FGGY: variants seen among roughly 807,000 people sequenced by gnomAD.
FGGY encodes FGGY carbohydrate kinase domain-containing protein.
Under a neutral mutation model 71.3 loss-of-function variants are expected in FGGY, and 72 were observed. The observed-to-expected ratio is 1.01, with a 90% confidence interval of 0.84 to 1.23. FGGY has a LOEUF of 1.23. FGGY is among the 50% of genes most tolerant of loss of function. The pLI, the probability that FGGY is intolerant of heterozygous loss-of-function variation, is 0.00. For missense variants in FGGY, 668 were observed against 682.3 expected, an observed-to-expected ratio of 0.98 and a Z score of 0.23; for synonymous variants, 251 against 250.3, an observed-to-expected ratio of 1.00 and a Z score of -0.02.
chr1:59,729,137 C>T (rs553700518), intron 14 of FGGY, among the ~76,000 whole-genome samples: 66 of 151,950 alleles, frequency 4.3e-4, no homozygotes, highest in Non-Finnish European at 7.7e-4. Context: ...CTGATTCTTT[C>T]CTTGTCCTTG....
intron 10 of FGGY, chr1:59,626,513 A>G (rs1463137779): frequency 6.5e-6 from 1 of 152,856 alleles, no homozygotes; most frequent in African/African-American, 2.4e-5. Context: ...CTTTCATGTA[A>G]AAAGAAAGAC....
At chr1:59,515,756 C>T (rs1300101648) in intron 7 of FGGY, among the ~76,000 whole-genome samples, 1 of 152,052 alleles carries the variant, frequency 6.6e-6, no homozygotes, top group Non-Finnish European at 1.5e-5. Context: ...TGCCTTTTGC[C>T]CTCCACCATG....
At chr1:59,372,252 A>T (rs2057794349) in intron 4 of FGGY, among the ~76,000 whole-genome samples, 1 of 152,226 alleles carries the variant, frequency 6.6e-6, no homozygotes, top group Non-Finnish European at 1.5e-5. Context: ...ACAGAAATAC[A>T]AACTACCATC....
At chr1:59,667,614 C>T (rs2097337462) in intron 13 of FGGY, among the ~76,000 whole-genome samples, 1 of 152,142 alleles carries the variant, frequency 6.6e-6, no homozygotes, top group Admixed American at 6.5e-5. Context: ...TATATCCAAC[C>T]ATTGAATAAT....
At chr1:59,711,516 A>G (rs1422878268) in intron 14 of FGGY, among the ~76,000 whole-genome samples, 2 of 152,202 alleles carry the variant, frequency 1.3e-5, no homozygotes, top group South Asian at 2.1e-4. Flanking sequence ...CTCTTTCTGG[A>G]TAGAGCTCTG....
At chr1:59,700,087 T>A (rs1484138127) in intron 14 of FGGY, among the ~76,000 whole-genome samples, 2 of 152,214 alleles carry the variant, frequency 1.3e-5, no homozygotes, top group Non-Finnish European at 2.9e-5. Context: ...TACAAACACA[T>A]TAAAATTCTT....
chr1:59,448,371 G>A (rs923593968), intron 5 of FGGY, among the ~76,000 whole-genome samples: 1 of 152,166 alleles, frequency 6.6e-6, no homozygotes, highest in African/African-American at 2.4e-5. Flanking sequence ...ATGCATTTGT[G>A]TCTTGGGCAG....
chr1:59,700,304 T>C (rs2097699355), intron 14 of FGGY, among the ~76,000 whole-genome samples: 1 of 152,210 alleles, frequency 6.6e-6, no homozygotes, highest in African/African-American at 2.4e-5. Flanking sequence ...TAAATAATGA[T>C]GGTGACAATG....
At chr1:59,309,988 G>T (rs1247418623) in intron 1 of FGGY, 1 of 147,946 alleles carries the variant, frequency 6.8e-6, no homozygotes, top group Non-Finnish European at 1.5e-5. Flanking sequence ...AAAAAAAAAA[G>T]CTACCAGACC....
rs1338674811 is a variant in FGGY at position 59,638,444 on chromosome 1, A to G, written c.1221+69A>G. 4 of 1,569,936 alleles carry G rather than the reference A, an allele frequency of 2.5e-6. No homozygotes were observed. The African/African-American group carries it at 5.5e-5, about 22-fold the overall frequency. The stretch of plus-strand genomic sequence containing the variant: ...AGGGCTACAAAGTTTGGAAGAAGCA[A>G]AGTGAGGAAAAAGGAAAAGAAAAAA... On this transcript the variant is annotated intron_variant, in intron 11 of 15. Transcript: ENST00000303721.
intron 14 of FGGY, among the ~76,000 whole-genome samples, chr1:59,726,302 C>A (rs1050112269): frequency 1.3e-5 from 2 of 151,798 alleles, no homozygotes; most frequent in African/African-American, 4.8e-5. Flanking sequence ...TATATAATTC[C>A]TTTTACACGT....
At chr1:59,354,000 A>G (rs946020013) in intron 4 of FGGY, among the ~76,000 whole-genome samples, 1 of 152,222 alleles carries the variant, frequency 6.6e-6, no homozygotes, top group Non-Finnish European at 1.5e-5. Flanking sequence ...GCTTGTTAAT[A>G]CATCTGGTAC....
At chr1:59,444,139 T>C (rs1278094064) in intron 5 of FGGY, among the ~76,000 whole-genome samples, 1 of 152,192 alleles carries the variant, frequency 6.6e-6, no homozygotes, top group Admixed American at 6.5e-5. Context: ...CCCATTTTAA[T>C]GGCCTCTAGC....
At chr1:59,456,228 A>G (rs74329244) in intron 5 of FGGY, among the ~76,000 whole-genome samples, 1,797 of 152,290 alleles carry the variant, frequency 0.012, 33 homozygotes, top group African/African-American at 0.041. Flanking sequence ...GATACCATGT[A>G]TCTTATACAA....
chr1:59,681,843 T>C (rs1160845095), intron 14 of FGGY, among the ~76,000 whole-genome samples: 1 of 151,560 alleles, frequency 6.6e-6, no homozygotes, highest in Non-Finnish European at 1.5e-5. Flanking sequence ...TAGAAAAAGT[T>C]TGAGGTTCGA....
chr1:59,374,707 T>C (rs1571233306), intron 4 of FGGY, among the ~76,000 whole-genome samples: 1 of 151,976 alleles, frequency 6.6e-6, no homozygotes, highest in East Asian at 1.9e-4. Context: ...ATATACACCA[T>C]GGAATACTAT....
At chr1:59,415,428 AC>A (rs1292253327) in intron 5 of FGGY, among the ~76,000 whole-genome samples, 9 of 152,206 alleles carry the variant, frequency 5.9e-5, no homozygotes, top group Non-Finnish European at 1.3e-4. Flanking sequence ...ATATGTTAGT[AC>A]TGCCTTCAAA....
chr1:59,367,914 T>G (rs192459779), intron 4 of FGGY, among the ~76,000 whole-genome samples: 9 of 152,128 alleles, frequency 5.9e-5, no homozygotes, highest in African/African-American at 2.2e-4. Context: ...TTCTTTTTTT[T>G]AAAAAAAGCT....
At chr1:59,678,206 A>G (rs1268043680) in intron 14 of FGGY, among the ~76,000 whole-genome samples, 2 of 152,162 alleles carry the variant, frequency 1.3e-5, no homozygotes, top group Non-Finnish European at 2.9e-5. Flanking sequence ...TAGCTATTGA[A>G]TAAGTGGGAG....
Sources: gnomAD v4.1 joint callset for allele counts (sites outside exome capture counted in the v4.1 genomes callset) on GRCh38, gnomAD v4.1.1 for gene constraint, MANE v1.5 for transcripts, NCBI Gene and HGNC (gene_info 2026-07-23, HGNC 2026-07-21) for gene names.